Variants in PRKAR2B observed in about 807,000 individuals in gnomAD.
PRKAR2B encodes cAMP-dependent protein kinase type II-beta regulatory subunit.
In PRKAR2B, 14 loss-of-function variants were observed where a neutral mutation model predicts 49.9. That is an observed-to-expected ratio of 0.28 (90% CI 0.19 to 0.44). The LOEUF (loss-of-function observed/expected upper bound fraction) is 0.44. Among genes scored for constraint, PRKAR2B ranks in the 20% least tolerant of loss-of-function variants. The pLI is 1.00. For synonymous variants in PRKAR2B, 196 were observed against 197.7 expected (o/e 0.99, Z 0.07); for missense variants, 393 against 537.9 (o/e 0.73, Z 2.67).
intron 3 of PRKAR2B, 140 bp downstream of exon 3, chr7:107,122,144 C>T: frequency 2.1e-6 from 1 of 486,848 alleles, no homozygotes; most frequent in Non-Finnish European, 3.6e-6. Context: ...TTTTCCTAGT[C>T]TCATCTCCAA....
chr7:107,071,723 CAT>C (rs1185614190), intron 2 of PRKAR2B, among the ~76,000 whole-genome samples: 2 of 152,174 alleles, frequency 1.3e-5, no homozygotes, highest in Non-Finnish European at 2.9e-5. Context: ...AACCGTATGA[CAT>C]GTGACATTTA....
chr7:107,049,986 G>T (rs757345347), intron 1 of PRKAR2B, among the ~76,000 whole-genome samples: 6 of 152,200 alleles, frequency 3.9e-5, no homozygotes, highest in Non-Finnish European at 7.3e-5. Context: ...GATAGTGATT[G>T]TGATTTTCAA....
chr7:107,058,907 A>G (rs1188660251), intron 1 of PRKAR2B, among the ~76,000 whole-genome samples: 2 of 152,236 alleles, frequency 1.3e-5, no homozygotes, highest in Non-Finnish European at 2.9e-5. Context: ...ATATAGAGAA[A>G]GACACAGATA....
intron 2 of PRKAR2B, among the ~76,000 whole-genome samples, chr7:107,097,109 GT>G (rs1794854793): frequency 6.6e-6 from 1 of 152,132 alleles, no homozygotes; most frequent in Non-Finnish European, 1.5e-5. Flanking sequence ...TGACAGTGGG[GT>G]GTTAAAGTCT....
chr7:107,138,126 A>G, intron 4 of PRKAR2B, among the ~76,000 whole-genome samples: 1 of 151,400 alleles, frequency 6.6e-6, no homozygotes, highest in Admixed American at 6.6e-5. Flanking sequence ...TAATTTTTTT[A>G]ACTCTTTTAT....
intron 3 of PRKAR2B, among the ~76,000 whole-genome samples, chr7:107,124,084 A>G (rs1424024827): frequency 6.6e-6 from 1 of 152,238 alleles, no homozygotes; most frequent in Non-Finnish European, 1.5e-5. Context: ...ATTTTGTATT[A>G]CTTCTGAGAC....
intron 1 of PRKAR2B, among the ~76,000 whole-genome samples, chr7:107,056,358 C>T (rs1793910880): frequency 6.6e-6 from 1 of 152,148 alleles, no homozygotes; most frequent in African/African-American, 2.4e-5. Flanking sequence ...TGAAGAAGGT[C>T]ATTGGTAGCT....
At chr7:107,107,919 G>T (rs187935886) in intron 2 of PRKAR2B, among the ~76,000 whole-genome samples, 9 of 151,026 alleles carry the variant, frequency 6.0e-5, no homozygotes, top group African/African-American at 2.2e-4. Context: ...GCCTCCCAAA[G>T]TGTTGGGATT....
chr7:107,121,450 G>T (rs1795387285), intron 2 of PRKAR2B, among the ~76,000 whole-genome samples: 1 of 152,080 alleles, frequency 6.6e-6, no homozygotes, highest in Non-Finnish European at 1.5e-5. Flanking sequence ...TTTTTAAGTT[G>T]CATATGCAAT....
At chr7:107,153,327 T>G (rs1209107129) in intron 8 of PRKAR2B, 76 bp downstream of exon 8, 1 of 1,051,628 alleles carries the variant, frequency 9.5e-7, no homozygotes, top group African/African-American at 1.6e-5. Context: ...CTTGATAAAC[T>G]TTTCATATTT....
At chr7:107,151,481 T>C (rs947998052) in intron 7 of PRKAR2B, among the ~76,000 whole-genome samples, 7 of 152,258 alleles carry the variant, frequency 4.6e-5, no homozygotes, top group African/African-American at 1.7e-4. Flanking sequence ...GATACACTTA[T>C]TCACTTGGTG....
chr7:107,091,145 T>G (rs189759144), intron 2 of PRKAR2B, among the ~76,000 whole-genome samples: 6 of 152,320 alleles, frequency 3.9e-5, no homozygotes, highest in Non-Finnish European at 8.8e-5. Flanking sequence ...ACTGTAAGCA[T>G]TTCTAATTTG....
At chr7:107,106,824 G>A (rs919028165) in intron 2 of PRKAR2B, among the ~76,000 whole-genome samples, 14 of 152,202 alleles carry the variant, frequency 9.2e-5, no homozygotes, top group African/African-American at 3.1e-4. Flanking sequence ...GGGAGAGAGT[G>A]TGGCCCTTCT....
At chr7:107,045,486 T>A (rs1245354341) in intron 1 of PRKAR2B, among the ~76,000 whole-genome samples, 1 of 152,206 alleles carries the variant, frequency 6.6e-6, no homozygotes, top group Admixed American at 6.5e-5. Context: ...CTTTGCCCCC[T>A]CTGCCTGGGC....
At chr7:107,145,716 C>T (rs960875467) in intron 5 of PRKAR2B, among the ~76,000 whole-genome samples, 3 of 150,316 alleles carry the variant, frequency 2.0e-5, no homozygotes, top group African/African-American at 4.9e-5. Flanking sequence ...AGCCACCACA[C>T]CCAGCCTCTT....
rs147470934 is a variant in PRKAR2B at position 107,090,334 on chromosome 7, A to G, written c.343+20018A>G. Among the ~76,000 whole-genome samples, 4 of 152,312 alleles carry G rather than the reference A, an allele frequency of 2.6e-5. No homozygotes were observed. The East Asian group carries it at 7.7e-4, about 29-fold the overall frequency. ...CAGTTCCACATTTTACAGCTGCAGC[A>G]AGAAAGAGGTGGACCTGACATCCCC... On this transcript the variant is annotated intron_variant, in intron 2 of 10. Coordinates refer to ENST00000265717, the MANE Select transcript of PRKAR2B (RefSeq NM_002736.3).
intron 1 of PRKAR2B, among the ~76,000 whole-genome samples, chr7:107,060,618 C>T (rs956394205): frequency 6.7e-6 from 1 of 149,132 alleles, no homozygotes; most frequent in Non-Finnish European, 1.5e-5. Flanking sequence ...TTCCCTCCCG[C>T]CCTCCCTTCC....
chr7:107,152,459 G>A (rs1253092100), intron 7 of PRKAR2B, among the ~76,000 whole-genome samples: 1 of 152,176 alleles, frequency 6.6e-6, no homozygotes, highest in Admixed American at 6.5e-5. Context: ...TCTTCTCAAT[G>A]AGACCAGCTC....
intron 1 of PRKAR2B, among the ~76,000 whole-genome samples, chr7:107,061,761 G>T (rs1273722015): frequency 6.6e-6 from 1 of 152,132 alleles, no homozygotes; most frequent in Non-Finnish European, 1.5e-5. Context: ...GAAATTAGTG[G>T]TGGCACATGC....
Sources: allele counts gnomAD v4.1 joint callset (sites outside exome capture counted in the v4.1 genomes callset), GRCh38; gene constraint gnomAD v4.1.1; transcripts MANE v1.5; gene names NCBI Gene and HGNC (gene_info 2026-07-23, HGNC 2026-07-21).